Variants in YLPM1 observed in about 807,000 individuals in gnomAD.
The protein encoded by YLPM1 is YLP motif-containing protein 1.
In YLPM1, 99 loss-of-function variants were observed where a neutral mutation model predicts 230.0. That is an observed-to-expected ratio of 0.43 (90% CI 0.37 to 0.51). The LOEUF (loss-of-function observed/expected upper bound fraction) is 0.51, where lower values mean the gene tolerates loss of function less well. YLPM1 is among the 20% of genes least tolerant of loss of function. The pLI is 0.00. For missense variants in YLPM1, 2,592 were observed against 2,707.7 expected (o/e 0.96, Z 0.95); for synonymous variants, 984 against 942.5 (o/e 1.04, Z -0.81).
chr14:74,780,577 A>G lies in YLPM1; in HGVS notation c.1283A>G (p.His428Arg). ...CAGCAGATTATACAGCCCCCACCAC[A>G]TATACAGGCAAGTGCTTCCATAGTC... ...QYQQIIQPPP[H>R]IQTMSVDMQL... The change falls in exon 3 of 21, where the codon CAT becomes CGT. Residue 428 changes from histidine to arginine, a missense_variant. Around this residue, in one of 4 missense-constraint regions of YLPM1, gnomAD observed 1,862 missense variants for 1,819.8 expected, o/e 1.02. Coordinates refer to ENST00000325680, the MANE Select transcript of YLPM1 (RefSeq NM_019589.3). 2 of 1,607,758 alleles carry G rather than the reference A, an allele frequency of 1.2e-6. No homozygotes were observed. Among genetic ancestry groups the G allele is most frequent in the Non-Finnish European group, 1.7e-6 (2 of 1,175,698 alleles).
Position 74,798,303 on chromosome 14 carries a change from G to T in YLPM1, c.3006G>T (p.Arg1002=). ...SENNQDKGLP[R]PDNRDNRLEG... is the part of the protein sequence containing the mutation. ...ACAACCAAGATAAAGGCCTGCCTCGGCCAGATAATAGAGATAATAGATTAG... is the reference window on the plus strand; with the variant it reads ...ACAACCAAGATAAAGGCCTGCCTCGTCCAGATAATAGAGATAATAGATTAG... The change falls in exon 5 of 21, where the codon CGG becomes CGT. Residue 1002 remains arginine (R), a synonymous_variant. Coordinates refer to ENST00000325680, the MANE Select transcript of YLPM1 (RefSeq NM_019589.3). 1 of 1,613,912 alleles carries T rather than the reference G, an allele frequency of 6.2e-7. No individual in the cohort carries two copies. Among genetic ancestry groups the T allele is most frequent in the Non-Finnish European group, 8.5e-7 (1 of 1,179,882 alleles).
rs1239506935 is a variant in YLPM1, at chr14:74,816,246, A to G, written c.5546A>G (p.His1849Arg). Residue 1849 changes from histidine (H) to arginine (R), a missense_variant, in exon 12 of 21, where the codon CAT (histidine) becomes CGT (arginine). By Grantham distance (29) the His-to-Arg change is conservative. Coordinates refer to ENST00000325680, the MANE Select transcript of YLPM1 (RefSeq NM_019589.3). ...GGATTACCTGGCAGTGGAAAGACAC[A>G]TGTTGCAAAACTTATTCGAGTGAGT... ...MRGLPGSGKT[H>R]VAKLIRDKEV... is the part of the protein sequence containing the mutation. 6 of 1,611,836 alleles carry G rather than the reference A, an allele frequency of 3.7e-6. No homozygotes were observed. Among genetic ancestry groups the G allele is most frequent in the East Asian group, 2.2e-5 (1 of 44,826 alleles).
intron 1 of YLPM1, among the ~76,000 whole-genome samples, chr14:74,773,670 T>C (rs1157211936): frequency 6.6e-6 from 1 of 151,880 alleles, no homozygotes; most frequent in African/African-American, 2.4e-5. Context: ...ATTATTATTA[T>C]TATTGGCTTT....
At chr14:74,824,965 G>A (rs1227092438) in intron 18 of YLPM1, among the ~76,000 whole-genome samples, 1 of 151,950 alleles carries the variant, frequency 6.6e-6, no homozygotes, top group Non-Finnish European at 1.5e-5. Flanking sequence ...ATTATTTGTT[G>A]GTGAAAACTG....
In YLPM1 at chr14:74,816,999, A is replaced by G; in HGVS notation, c.5754A>G (p.Lys1918=). ...TYRTSMFKTF[K]KTLDDGFFPF... Reference sequence around the variant, plus strand: ...GCACCAGCATGTTCAAAACTTTCAAAAAGACTCTGGATGATGGCTTTTTTC... The same window carrying G: ...GCACCAGCATGTTCAAAACTTTCAAGAAGACTCTGGATGATGGCTTTTTTC... The change falls in exon 14 of 21, where the codon AAA becomes AAG. Residue 1918 remains lysine, a synonymous_variant. Coordinates refer to ENST00000325680, the MANE Select transcript of YLPM1 (RefSeq NM_019589.3). The G allele has an allele frequency of 6.2e-7, 1 of 1,610,388 alleles. No individual in the cohort carries two copies. Among genetic ancestry groups the G allele is most frequent in the Non-Finnish European group, 8.5e-7 (1 of 1,178,786 alleles).
Position 74,802,562 on chromosome 14 carries a change from G to A in YLPM1, c.4407G>A (p.Gln1469=). The change falls in exon 6 of 21, where the codon CAG becomes CAA. Residue 1469 remains glutamine (Q), a synonymous_variant. Coordinates refer to ENST00000325680, the MANE Select transcript of YLPM1 (RefSeq NM_019589.3). ...AAQELKMLRE[Q]KEQLQKMKDF... ...CAATTTTATTTGTTTGCAGGGAACA[G>A]AAAGAACAGCTTCAAAAGATGAAAG... is the stretch of plus-strand genomic sequence containing the variant. 6.2e-7 allele frequency: 1 copy of A among 1,612,174 alleles called. No individual in the cohort carries two copies. Among genetic ancestry groups the A allele is most frequent in the South Asian group, 1.1e-5 (1 of 90,608 alleles).
intron 19 of YLPM1, 68 bp from the exon 20 acceptor site, chr14:74,835,197 A>C (rs1377493426): frequency 6.3e-7 from 1 of 1,582,866 alleles, no homozygotes; most frequent in African/African-American, 1.4e-5. Flanking sequence ...TAGACTGTCC[A>C]GAGAGGGAGG....
intron 16 of YLPM1, 144 bp downstream of exon 16, chr14:74,818,458 G>T: frequency 7.1e-6 from 4 of 566,466 alleles, no homozygotes; most frequent in South Asian, 3.4e-5. Flanking sequence ...TTGAGATCAC[G>T]GTTAGTATTT....
rs372211209 is a variant in YLPM1, at chr14:74,817,269, A to G, written c.5938A>G (p.Ile1980Val). The G allele has an allele frequency of 6.6e-5, 104 of 1,580,150 alleles. No individual in the cohort carries two copies. The highest frequency in any genetic ancestry group is 8.8e-5 in the Non-Finnish European group (102 of 1,162,074). ...RNIHGRKLKE[I>V]NKMADHWETA... ...TATTCATGGAAGAAAGCTTAAAGAAATAAATAAGGTGATTTTAAGAAACAT... is the reference window on the plus strand; with the variant it reads ...TATTCATGGAAGAAAGCTTAAAGAAGTAAATAAGGTGATTTTAAGAAACAT... The change falls in exon 15 of 21, where the codon ATA (isoleucine) becomes GTA (valine). Residue 1980 changes from isoleucine (I) to valine (V), a missense_variant. By Grantham distance (29) the Ile-to-Val change is conservative. Transcript: ENST00000325680.
At chr14:74,801,204 C>T (rs1008792666) in intron 5 of YLPM1, among the ~76,000 whole-genome samples, 8 of 151,956 alleles carry the variant, frequency 5.3e-5, no homozygotes, top group African/African-American at 1.9e-4. Context: ...CATAATTAAA[C>T]AATATATAGG....
chr14:74,769,136 C>T (rs528041129), intron 1 of YLPM1, among the ~76,000 whole-genome samples: 8 of 151,118 alleles, frequency 5.3e-5, no homozygotes, highest in South Asian at 2.1e-4. Context: ...AGTGCAGTGG[C>T]GCGATCTCGG....
In YLPM1 at chr14:74,798,348, C is replaced by T. The variant is rs766433963; in HGVS notation, c.3051C>T (p.Ser1017=). 2 of 1,613,976 alleles carry T rather than the reference C, an allele frequency of 1.2e-6. No individual in the cohort carries two copies. Among genetic ancestry groups the T allele is most frequent in the East Asian group, 2.2e-5 (1 of 44,890 alleles). ...GATTAGAAGGCAATAGAGGCAACAGCTCATCTTACAGAGGTCCTGGGCAAA... is the reference window on the plus strand; with the variant it reads ...GATTAGAAGGCAATAGAGGCAACAGTTCATCTTACAGAGGTCCTGGGCAAA... ...DNRLEGNRGN[S]SSYRGPGQSR... is the part of the protein sequence containing the mutation. Residue 1017 remains serine (S), a synonymous_variant, in exon 5 of 21, where the codon AGC becomes AGT. Transcript: ENST00000325680.
chr14:74,801,023 CTG>C (rs1362257139), intron 5 of YLPM1, among the ~76,000 whole-genome samples: 1 of 152,192 alleles, frequency 6.6e-6, no homozygotes, highest in East Asian at 1.9e-4. Context: ...ACTCTAAAAT[CTG>C]TGTTATTTAT....
At chr14:74,828,760 T>A (rs1370765963) in intron 18 of YLPM1, among the ~76,000 whole-genome samples, 1 of 152,174 alleles carries the variant, frequency 6.6e-6, no homozygotes, top group Non-Finnish European at 1.5e-5. Flanking sequence ...GCTTGGCTCA[T>A]TGAGTTCTTG....
At chr14:74,770,272 CAGG>C (rs1364407393) in intron 1 of YLPM1, among the ~76,000 whole-genome samples, 1 of 150,950 alleles carries the variant, frequency 6.6e-6, no homozygotes, top group Non-Finnish European at 1.5e-5. Flanking sequence ...TGTTTAAGCC[CAGG>C]AGTTCTCGTG....
At position 74,809,327 on chromosome 14, in the gene YLPM1, T is replaced by C. The variant is rs1013186346; in HGVS notation, c.4522-53T>C. On this transcript the variant is annotated intron_variant, in intron 6 of 20. Transcript: ENST00000325680. Reference sequence around the variant, plus strand: ...AACCAGATTTTAATTTCCACTGATCTATAAAAACATAGTGGTATACTTGTC... The same window carrying C: ...AACCAGATTTTAATTTCCACTGATCCATAAAAACATAGTGGTATACTTGTC... The C allele has an allele frequency of 8.5e-6, 13 of 1,527,614 alleles. No homozygotes were observed. The Admixed American group carries it at 1.8e-4, about 21-fold the overall frequency. 94.6% of individuals were successfully genotyped at this position (1,527,614 alleles called of 1,614,324 possible).
chr14:74,796,679 G>A (rs1162921430), intron 4 of YLPM1, among the ~76,000 whole-genome samples: 4 of 151,308 alleles, frequency 2.6e-5, no homozygotes, highest in Admixed American at 2.0e-4. Context: ...GAGCAAGTGG[G>A]TTTATAGCAA....
At chr14:74,799,776 T>C in intron 5 of YLPM1, 79 bp downstream of exon 5, 1 of 1,449,656 alleles carries the variant, frequency 6.9e-7, no homozygotes, top group Non-Finnish European at 9.1e-7. Flanking sequence ...ATGATATATT[T>C]GAATGGAATC....
In YLPM1 at chr14:74,778,679, C is replaced by G. The variant is rs867889571; in HGVS notation, c.1106C>G (p.Pro369Arg). 6.4e-7 allele frequency: 1 copy of G among 1,558,612 alleles called. No homozygotes were observed. Among genetic ancestry groups the G allele is most frequent in the Non-Finnish European group, 8.7e-7 (1 of 1,151,464 alleles). Residue 369 changes from proline to arginine, a missense_variant, in exon 2 of 21, where the codon CCC becomes CGC. Around this residue, in one of 4 missense-constraint regions of YLPM1, gnomAD observed 1,862 missense variants for 1,819.8 expected, o/e 1.02. Transcript: ENST00000325680. The stretch of plus-strand genomic sequence containing the variant: ...CCACCTCCTCTCCCACCTGAGGAAC[C>G]CCAGGTAACCATATAATTAATTGTT... The part of the protein sequence containing the change: ...EVPPPLPPEE[P>R]QSEDPEEDAR...
Sources: gnomAD v4.1 joint callset for allele counts (sites outside exome capture counted in the v4.1 genomes callset) on GRCh38, gnomAD v4.1.1 for gene constraint, gnomAD v4.1.1 regional missense constraint, MANE v1.5 for transcripts, NCBI Gene and HGNC (gene_info 2026-07-23, HGNC 2026-07-21) for gene names.